Variants in LHX4 observed in about 807,000 individuals in gnomAD.
LHX4 encodes LIM homeobox 4.
Under a neutral mutation model 39.2 loss-of-function variants are expected in LHX4, and 16 were observed. That is an observed-to-expected ratio of 0.41 (90% confidence interval 0.28 to 0.62). The LOEUF is 0.62. Among genes scored for constraint, LHX4 ranks in the 20% least tolerant of loss-of-function variants. The pLI is 0.33. For missense variants in LHX4, 439 were observed against 511.9 expected (o/e 0.86, Z 1.37); for synonymous variants, 206 against 198.1 (o/e 1.04, Z -0.33).
intron 3 of LHX4, among the ~76,000 whole-genome samples, chr1:180,267,961 A>G (rs2149263834): frequency 6.6e-6 from 1 of 151,942 alleles, no homozygotes; most frequent in South Asian, 2.1e-4. Context: ...CTCTTTGAGG[A>G]CCTTCCCTCC....
At chr1:180,249,246 A>G (rs1216527459) in intron 2 of LHX4, among the ~76,000 whole-genome samples, 1 of 152,152 alleles carries the variant, frequency 6.6e-6, no homozygotes, top group African/African-American at 2.4e-5. Context: ...AGCTCTTAAG[A>G]CTGTCTGAGA....
At chr1:180,246,047 C>G (rs1558211563) in intron 1 of LHX4, among the ~76,000 whole-genome samples, 1 of 151,862 alleles carries the variant, frequency 6.6e-6, no homozygotes, top group Non-Finnish European at 1.5e-5. Flanking sequence ...GGACAATTAG[C>G]AAGTGGGACA....
upstream of LHX4, among the ~76,000 whole-genome samples, chr1:180,229,858 G>A (rs978752720): frequency 1.3e-4 from 19 of 151,604 alleles, no homozygotes; most frequent in Admixed American, 7.2e-4. Flanking sequence ...GCAAACCCAG[G>A]GCGCCGCCGT....
At chr1:180,248,263 C>A (rs781719796) in intron 1 of LHX4, 22 bp from the exon 2 acceptor site, 1 of 1,612,796 alleles carries the variant, frequency 6.2e-7, no homozygotes, top group South Asian at 1.1e-5. Flanking sequence ...CTCACAGTGC[C>A]TCTCTCTCCT....
intron 2 of LHX4, among the ~76,000 whole-genome samples, chr1:180,263,393 T>A (rs1648183175): frequency 6.6e-6 from 1 of 152,164 alleles, no homozygotes; most frequent in Non-Finnish European, 1.5e-5. Context: ...CACACCCCTG[T>A]AGGATGCCCT....
chr1:180,255,051 C>G (rs953487058), intron 2 of LHX4, among the ~76,000 whole-genome samples: 15 of 152,218 alleles, frequency 9.9e-5, no homozygotes, highest in Non-Finnish European at 7.3e-5. Flanking sequence ...TCATGGGATG[C>G]TCTCCCTCCC....
At chr1:180,258,402 C>T (rs1320532371) in intron 2 of LHX4, among the ~76,000 whole-genome samples, 1 of 152,146 alleles carries the variant, frequency 6.6e-6, no homozygotes, top group African/African-American at 2.4e-5. Context: ...TGCCATAGTG[C>T]CTTGGTGGCC....
At chr1:180,242,140 T>C (rs542261051) in intron 1 of LHX4, among the ~76,000 whole-genome samples, 2 of 152,322 alleles carry the variant, frequency 1.3e-5, no homozygotes, top group South Asian at 2.1e-4. Context: ...TGCTTCAGGA[T>C]TGGACAGCTC....
At chr1:180,270,957 G>C in intron 3 of LHX4, 1 of 310,102 alleles carries the variant, frequency 3.2e-6, no homozygotes, top group South Asian at 2.8e-5. Context: ...TGATGAGACA[G>C]AGGGGAGGGC....
intron 2 of LHX4, among the ~76,000 whole-genome samples, chr1:180,254,111 T>C (rs1177890321): frequency 1.3e-5 from 2 of 152,216 alleles, no homozygotes; most frequent in East Asian, 3.9e-4. Context: ...CTTCAAGCTG[T>C]GCCCCCAGCC....
At chr1:180,228,986 G>C (rs1181405585), upstream of LHX4, among the ~76,000 whole-genome samples, 2 of 152,210 alleles carry the variant, frequency 1.3e-5, no homozygotes, top group Non-Finnish European at 2.9e-5. Context: ...TGGGGCAGAC[G>C]GGGTGGGCTT....
chr1:180,265,884 C>A (rs1172201083), intron 2 of LHX4, among the ~76,000 whole-genome samples: 1 of 152,248 alleles, frequency 6.6e-6, no homozygotes, highest in African/African-American at 2.4e-5. Flanking sequence ...AGTGCATTTT[C>A]TCTGCAGCGT....
At chr1:180,257,825 C>T (rs1647923488) in intron 2 of LHX4, among the ~76,000 whole-genome samples, 2 of 152,286 alleles carry the variant, frequency 1.3e-5, no homozygotes, top group South Asian at 4.1e-4. Context: ...CTGGGCTGGT[C>T]CCCACCGACT....
Position 180,247,561 on chromosome 1 carries a change from C to A in LHX4, c.77-724C>A, listed in dbSNP as rs141945404. ...ATTTAGCTCAGTTCTGAATTCAAGT[C>A]TTTCCCAAGAGCATTTGATTGGAAG... is the stretch of plus-strand genomic sequence containing the variant. On this transcript the variant is annotated intron_variant, in intron 1 of 5. Coordinates refer to ENST00000263726, the MANE Select transcript of LHX4 (RefSeq NM_033343.4). Among the ~76,000 whole-genome samples the A allele has an allele frequency of 8.5e-3, 1,291 of 152,282 alleles. 6 individuals carry two copies. The highest frequency in any genetic ancestry group is 0.014 in the Middle Eastern group (4 of 294).
In LHX4 at chr1:180,276,981, T is replaced by C. The variant is rs1240687197; in HGVS notation, c.*2402T>C. The C allele has an allele frequency of 2.0e-5, 3 of 152,210 alleles. No homozygotes were observed. Among genetic ancestry groups the C allele is most frequent in the Non-Finnish European group, 2.9e-5 (2 of 68,042 alleles). 9.4% of individuals were successfully genotyped at this position (152,210 alleles called of 1,614,324 possible). Reference sequence around the variant, plus strand: ...TTATACTAATAATATAATAAATCTCTTGAGGAACTCAGTGAGCAGTTGACG... The same window carrying C: ...TTATACTAATAATATAATAAATCTCCTGAGGAACTCAGTGAGCAGTTGACG... On this transcript the variant is annotated 3_prime_UTR_variant, in exon 6 of 6. Coordinates refer to ENST00000263726, the MANE Select transcript of LHX4 (RefSeq NM_033343.4).
intron 1 of LHX4, among the ~76,000 whole-genome samples, chr1:180,246,837 A>G (rs1647408085): frequency 6.6e-6 from 1 of 152,248 alleles, no homozygotes; most frequent in Non-Finnish European, 1.5e-5. Context: ...AGCCTCTCAG[A>G]CAGGATTTAA....
intron 2 of LHX4, among the ~76,000 whole-genome samples, chr1:180,263,857 T>TCTCCTCTCAGCC (rs1648207400): frequency 1.3e-5 from 2 of 152,016 alleles, no homozygotes; most frequent in Admixed American, 1.3e-4. Flanking sequence ...TGTTCCGGGG[T>TCTCCTCTCAGCC]CTCCTCTCAG....
Position 180,230,631 on chromosome 1 carries a change from T to C in LHX4, c.76+26T>C. On this transcript the variant is annotated intron_variant, in intron 1 of 5. Coordinates refer to ENST00000263726, the MANE Select transcript of LHX4 (RefSeq NM_033343.4). This position sits in a 1 kb window ranked among gnomAD's most constrained non-coding sequence, Gnocchi z 5.8. ...GTAAGACACCCCCCTTTCTCGCTGA[T>C]TTAATTCTAACAAGACAGCTAGCAG... 6.2e-7 allele frequency: 1 copy of C among 1,602,352 alleles called. No homozygotes were observed. The highest frequency in any genetic ancestry group is 8.5e-7 in the Non-Finnish European group (1 of 1,170,038).
intron 3 of LHX4, chr1:180,269,540 C>G (rs1204518022): frequency 6.6e-6 from 1 of 152,198 alleles, no homozygotes; most frequent in Non-Finnish European, 1.5e-5. Context: ...GGGCCACCAA[C>G]CAGGATGACG....
Sources: gnomAD v4.1 joint callset for allele counts (sites outside exome capture counted in the v4.1 genomes callset) on GRCh38, gnomAD v4.1.1 for gene constraint, Gnocchi (gnomAD v3.1) non-coding constraint, MANE v1.5 for transcripts, NCBI Gene and HGNC (gene_info 2026-07-23, HGNC 2026-07-21) for gene names.